Variants in SLC22A23 observed in about 807,000 individuals in gnomAD.
SLC22A23 encodes the protein ion transporter protein.
A neutral mutation model predicts 61.0 loss-of-function variants in SLC22A23; 26 were observed. The ratio of observed to expected loss-of-function variants is 0.43; its 90% CI spans 0.31 to 0.59. SLC22A23 has a LOEUF of 0.59. SLC22A23 is among the 20% of genes least tolerant of loss of function. The pLI, the probability that SLC22A23 is intolerant of heterozygous loss-of-function variation, is 0.11. For missense variants in SLC22A23, 796 were observed against 934.7 expected (o/e 0.85, Z 1.94); for synonymous variants, 430 against 413.9 (o/e 1.04, Z -0.47).
At chr6:3,289,906 C>T in intron 5 of SLC22A23, 40 bp from the exon 6 acceptor site, 1 of 1,565,262 alleles carries the variant, frequency 6.4e-7, no homozygotes, top group Non-Finnish European at 8.8e-7. Context: ...GGCAGGCCGC[C>T]CACAGAGGAC....
intron 4 of SLC22A23, among the ~76,000 whole-genome samples, chr6:3,306,660 G>A (rs555705202): frequency 6.6e-6 from 1 of 152,296 alleles, no homozygotes; most frequent in East Asian, 1.9e-4. Context: ...TAAGCTGGCT[G>A]GCTCACTGAT....
At chr6:3,299,170 C>A (rs1312108696) in intron 4 of SLC22A23, among the ~76,000 whole-genome samples, 4 of 152,062 alleles carry the variant, frequency 2.6e-5, no homozygotes, top group African/African-American at 9.7e-5. Flanking sequence ...AACAGAGTAG[C>A]GGATATGAAC....
chr6:3,301,289 T>C (rs934960563), intron 4 of SLC22A23, among the ~76,000 whole-genome samples: 7 of 152,178 alleles, frequency 4.6e-5, no homozygotes, highest in African/African-American at 1.7e-4. Context: ...TTATTAATTT[T>C]CTCATAAGTG....
In SLC22A23 at chr6:3,445,281, T is replaced by G. The variant is rs141992037; in HGVS notation, c.654+10625A>C. 3.6e-3 allele frequency among the ~76,000 whole-genome samples: 552 copies of G among 152,144 alleles called. 2 individuals are homozygous for G. The highest frequency in any genetic ancestry group is 0.013 in the African/African-American group (526 of 41,536). ...TGGCGCCATCTTGGCTCACTGCAACTTCCGCCTCCCAGGTTCAAGCAATTG... is the reference window on the plus strand; with the variant it reads ...TGGCGCCATCTTGGCTCACTGCAACGTCCGCCTCCCAGGTTCAAGCAATTG... On this transcript the variant is annotated intron_variant, in intron 1 of 9. Coordinates refer to ENST00000406686, the MANE Select transcript of SLC22A23 (RefSeq NM_015482.2).
intron 3 of SLC22A23, among the ~76,000 whole-genome samples, chr6:3,392,306 T>C (rs1476811178): frequency 6.6e-6 from 1 of 152,224 alleles, no homozygotes. Flanking sequence ...CCCAGTGTCA[T>C]GGGACTGCCA....
intron 3 of SLC22A23, among the ~76,000 whole-genome samples, chr6:3,366,652 C>T (rs1351044826): frequency 6.6e-6 from 1 of 152,162 alleles, no homozygotes; most frequent in Non-Finnish European, 1.5e-5. Context: ...TCTATGCGAT[C>T]TATGTAATTG....
In SLC22A23 at chr6:3,365,194, C is replaced by T. The variant is rs185403291; in HGVS notation, c.914-41192G>A. Among the ~76,000 whole-genome samples, 83 of 152,276 alleles carry T rather than the reference C, an allele frequency of 5.5e-4. 1 individual carries two copies. In the East Asian group the frequency reaches 9.3e-3, roughly 17 times the overall value. On this transcript the variant is annotated intron_variant, in intron 3 of 9. Transcript: ENST00000406686. ...AAATTTAGCTGGGCATGGTGGCACG[C>T]ACCTGTAGTCCCAGCTACCAGGGAG...
At chr6:3,407,508 T>G (rs1164374961) in intron 3 of SLC22A23, among the ~76,000 whole-genome samples, 1 of 152,240 alleles carries the variant, frequency 6.6e-6, no homozygotes, top group East Asian at 1.9e-4. Context: ...CTCCCTTTAT[T>G]TCCTTTTATT....
chr6:3,410,019 G>A lies in SLC22A23; in HGVS notation c.913+169C>T, dbSNP rs1057318462. Among the ~76,000 whole-genome samples the A allele has an allele frequency of 1.3e-5, 2 of 152,138 alleles. No individual in the cohort carries two copies. Among genetic ancestry groups the A allele is most frequent in the African/African-American group, 4.8e-5 (2 of 41,432 alleles). On this transcript the variant is annotated intron_variant, in intron 3 of 9. Transcript: ENST00000406686. The surrounding 1 kb of genome is among the most constrained non-coding windows in gnomAD (Gnocchi z 5.0). ...ATCAGGATTGAGTGAAATGTTTCAC[G>A]GCATCACCTGAAAAGCCTCTTTCAC... is the stretch of plus-strand genomic sequence containing the variant.
chr6:3,332,380 C>T (rs1303145332), intron 3 of SLC22A23, among the ~76,000 whole-genome samples: 1 of 139,280 alleles, frequency 7.2e-6, no homozygotes, highest in African/African-American at 3.1e-5. Context: ...TACTCTTTGG[C>T]ATAATACTTC....
intron 3 of SLC22A23, among the ~76,000 whole-genome samples, chr6:3,379,320 G>C (rs1766803446): frequency 6.6e-6 from 1 of 152,158 alleles, no homozygotes; most frequent in Non-Finnish European, 1.5e-5. Context: ...TTCTTTGAGG[G>C]AATGGTCTAT....
chr6:3,307,832 A>G (rs1019251546), intron 4 of SLC22A23, among the ~76,000 whole-genome samples: 2 of 152,266 alleles, frequency 1.3e-5, no homozygotes, highest in African/African-American at 4.8e-5. Context: ...AAAATATTAC[A>G]GATTCCATCA....
At chr6:3,353,683 G>A (rs1222989148) in intron 3 of SLC22A23, among the ~76,000 whole-genome samples, 2 of 152,128 alleles carry the variant, frequency 1.3e-5, no homozygotes, top group African/African-American at 2.4e-5. Flanking sequence ...TCCCATTACC[G>A]AAGCTGTGAT....
chr6:3,440,209 T>C (rs1561984462), intron 1 of SLC22A23, among the ~76,000 whole-genome samples: 1 of 152,166 alleles, frequency 6.6e-6, no homozygotes, highest in Non-Finnish European at 1.5e-5. Context: ...CAGATACAGA[T>C]CAGAGCTGCC....
chr6:3,274,202 C>G (rs1758692471), intron 9 of SLC22A23, among the ~76,000 whole-genome samples: 1 of 152,248 alleles, frequency 6.6e-6, no homozygotes, highest in Non-Finnish European at 1.5e-5. Context: ...ATCCCTCAAA[C>G]CTCTCCACTT....
chr6:3,371,352 G>A (rs904642827), intron 3 of SLC22A23, among the ~76,000 whole-genome samples: 4 of 152,256 alleles, frequency 2.6e-5, no homozygotes, highest in East Asian at 3.8e-4. Context: ...TGCCAGGGCT[G>A]TGATCTAATA....
chr6:3,370,882 C>T (rs57938757), intron 3 of SLC22A23, among the ~76,000 whole-genome samples: 7,254 of 152,264 alleles, frequency 0.048, 573 homozygotes, highest in African/African-American at 0.17. Flanking sequence ...ATTTATTTAC[C>T]ACTCAGCTGC....
At chr6:3,391,754 G>C (rs1767674953) in intron 3 of SLC22A23, among the ~76,000 whole-genome samples, 1 of 152,148 alleles carries the variant, frequency 6.6e-6, no homozygotes, top group African/African-American at 2.4e-5. Context: ...AAAAGGCTGG[G>C]TGAGTCTGAA....
intron 2 of SLC22A23, among the ~76,000 whole-genome samples, chr6:3,411,130 G>C (rs1769208540): frequency 6.6e-6 from 1 of 152,140 alleles, no homozygotes; most frequent in African/African-American, 2.4e-5. Flanking sequence ...GTAGAGGGTG[G>C]TCCACAAGAA....
Sources: gnomAD v4.1 joint callset for allele counts (sites outside exome capture counted in the v4.1 genomes callset) on GRCh38, gnomAD v4.1.1 for gene constraint, Gnocchi (gnomAD v3.1) non-coding constraint, MANE v1.5 for transcripts, NCBI Gene and HGNC (gene_info 2026-07-23, HGNC 2026-07-21) for gene names.